Variants in LY75 observed in about 807,000 individuals in gnomAD.
LY75 encodes lymphocyte antigen 75.
A neutral mutation model predicts 231.7 loss-of-function variants in LY75; 185 were observed. The observed-to-expected ratio is 0.80, with a 90% CI of 0.71 to 0.90. LY75 has a LOEUF of 0.90. LY75 is among the 40% of genes least tolerant of loss of function. The probability of loss-of-function intolerance (pLI) is 0.00; values close to 1 mark genes in which losing one functional copy is unlikely to be tolerated. For missense variants in LY75, 1,947 were observed against 2,050.2 expected, an observed-to-expected ratio of 0.95 and a Z score of 0.97; for synonymous variants, 668 against 689.0, an observed-to-expected ratio of 0.97 and a Z score of 0.48.
chr2:159,849,990 AT>A lies in LY75; in HGVS notation c.3139del (p.Ile1047TyrfsTer16). 1 of 1,609,872 alleles carries A rather than the reference AT, an allele frequency of 6.2e-7. No homozygotes were observed. Among genetic ancestry groups the A allele is most frequent in the South Asian group, 1.1e-5 (1 of 90,192 alleles). On this transcript the variant is annotated frameshift_variant, in exon 23 of 35. Coordinates refer to ENST00000263636, the MANE Select transcript of LY75 (RefSeq NM_002349.4). LOFTEE classifies it high-confidence loss of function. Reference sequence around the variant, plus strand: ...TTTAAAAAAACTTACATTTTCTGGTATTCTCAGCCTCCCACTAACCAATAAT... The same window carrying A: ...TTTAAAAAAACTTACATTTTCTGGTATCTCAGCCTCCCACTAACCAATAAT... ...HPLLVSGRLR[I>X]PENFFEEESR...
intron 1 of LY75, among the ~76,000 whole-genome samples, chr2:159,901,894 G>T (rs1686092624): frequency 6.6e-6 from 1 of 152,202 alleles, no homozygotes; most frequent in Non-Finnish European, 1.5e-5. Context: ...GATAGGGAGA[G>T]TCCTATCCTT....
Position 159,849,979 on chromosome 2 carries a change from C to T in LY75, c.3150+1G>A, listed in dbSNP as rs748497165. The T allele has an allele frequency of 1.1e-5, 18 of 1,607,436 alleles. No individual in the cohort carries two copies. Among genetic ancestry groups the T allele is most frequent in the Non-Finnish European group, 1.5e-5 (18 of 1,178,228 alleles). On this transcript the variant is annotated splice_donor_variant, in intron 23 of 34. Transcript: ENST00000263636. LOFTEE classifies it high-confidence loss of function. Reference sequence around the variant, plus strand: ...GAGTATTGGTTTTTAAAAAAACTTACATTTTCTGGTATTCTCAGCCTCCCA... The same window carrying T: ...GAGTATTGGTTTTTAAAAAAACTTATATTTTCTGGTATTCTCAGCCTCCCA...
At chr2:159,808,390 GT>G in intron 33 of LY75, 58 bp downstream of exon 33, 1 of 1,611,314 alleles carries the variant, frequency 6.2e-7, no homozygotes. Context: ...AGGACGACTT[GT>G]TATTTAGGAT....
chr2:159,886,563 A>G, intron 4 of LY75, 33 bp from the exon 5 acceptor site: 2 of 1,562,434 alleles, frequency 1.3e-6, no homozygotes, highest in Non-Finnish European at 1.7e-6. Flanking sequence ...AAAAAGTGAC[A>G]AAGTTGCCTA....
At chr2:159,899,554 A>C (rs1231716525) in intron 1 of LY75, among the ~76,000 whole-genome samples, 1 of 152,176 alleles carries the variant, frequency 6.6e-6, no homozygotes, top group Admixed American at 6.5e-5. Flanking sequence ...GGCAGGGTAA[A>C]TTATTACATG....
At chr2:159,831,647 A>G in intron 28 of LY75, 23 bp downstream of exon 28, 1 of 1,605,958 alleles carries the variant, frequency 6.2e-7, no homozygotes, top group Middle Eastern at 1.7e-4. Context: ...CAAATAGAGA[A>G]AGTTGGCAGA....
Position 159,803,872 on chromosome 2 carries a change from C to G in LY75, c.*1172G>C, listed in dbSNP as rs1682724288. 6.6e-6 allele frequency: 1 copy of G among 152,150 alleles called. No individual in the cohort carries two copies. Among genetic ancestry groups the G allele is most frequent in the Admixed American group, 6.5e-5 (1 of 15,272 alleles). 9.4% of individuals were successfully genotyped at this position (152,150 alleles called of 1,614,324 possible). On this transcript the variant is annotated 3_prime_UTR_variant, in exon 35 of 35. Coordinates refer to ENST00000263636, the MANE Select transcript of LY75 (RefSeq NM_002349.4). ...CTTCATGGACCCTTTCTCTGTTTAA[C>G]ACATGTTAAAAAAGTAAAACAAAAT...
intron 23 of LY75, among the ~76,000 whole-genome samples, chr2:159,843,785 TAGAAG>T (rs1489604226): frequency 2.0e-5 from 3 of 152,018 alleles, no homozygotes; most frequent in African/African-American, 7.3e-5. Context: ...TCAAGACACA[TAGAAG>T]AGAAGGTTTT....
intron 28 of LY75, among the ~76,000 whole-genome samples, chr2:159,823,935 A>G (rs1683378909): frequency 6.6e-6 from 1 of 152,256 alleles, no homozygotes; most frequent in Admixed American, 6.5e-5. Context: ...GCCTTACAAG[A>G]GCTCCTGAAG....
At position 159,807,006 on chromosome 2, in the gene LY75, C is replaced by T. The variant is rs1407002735; in HGVS notation, c.4957G>A (p.Gly1653Ser). 1.2e-6 allele frequency: 2 copies of T among 1,613,726 alleles called. No homozygotes were observed. The highest frequency in any genetic ancestry group is 1.7e-6 in the Non-Finnish European group (2 of 1,179,854). ...ACTTTGCAGACAACTCTTCCAAAAC[C>T]ATGTTCACATTCAACTTTTTTCCAA... is the stretch of plus-strand genomic sequence containing the variant. Reference protein sequence around the residue: ...ETWKKVECEHGFGRVVCKVPL... With the variant: ...ETWKKVECEHSFGRVVCKVPL... The change falls in exon 34 of 35, where the codon GGT becomes AGT. Residue 1653 changes from glycine (G) to serine (S), a missense_variant. By Grantham distance (56) the Gly-to-Ser change is moderately conservative. Transcript: ENST00000263636.
At position 159,858,477 on chromosome 2, in the gene LY75, CTA is replaced by C. The variant is rs1394463071; in HGVS notation, c.2269-3_2269-2del. ...CTCTTCGCCATGGCCTATGAAATAC[CTA>C]TAAGAGGAAAAGTATTGCAGAATAT... On this transcript the variant is annotated splice_acceptor_variant and splice_polypyrimidine_tract_variant and intron_variant, in intron 15 of 34. Transcript: ENST00000263636. LOFTEE classifies it high-confidence loss of function. The C allele has an allele frequency of 6.2e-7, 1 of 1,607,598 alleles. No homozygotes were observed. The highest frequency in any genetic ancestry group is 1.7e-5 in the Admixed American group (1 of 58,810).
At chr2:159,886,072 T>C (rs2125878942) in intron 5 of LY75, among the ~76,000 whole-genome samples, 1 of 152,156 alleles carries the variant, frequency 6.6e-6, no homozygotes, top group East Asian at 1.9e-4. Flanking sequence ...CATATTAGAG[T>C]TCAGCTGCAG....
chr2:159,877,494 C>T (rs1409301931), intron 11 of LY75, among the ~76,000 whole-genome samples: 1 of 152,136 alleles, frequency 6.6e-6, no homozygotes, highest in East Asian at 1.9e-4. Context: ...TTCTGAGGTC[C>T]TTTCCGGCTT....
intron 2 of LY75, among the ~76,000 whole-genome samples, chr2:159,896,604 G>A (rs1176968367): frequency 6.6e-6 from 1 of 152,212 alleles, no homozygotes; most frequent in African/African-American, 2.4e-5. Context: ...AGTATCGAGA[G>A]TCTGAGAGCG....
chr2:159,828,323 T>C (rs2729701), intron 28 of LY75, among the ~76,000 whole-genome samples: 61,538 of 151,024 alleles, frequency 0.41, 14,178 homozygotes, highest in Non-Finnish European at 0.52. Context: ...ATAAAAAGAC[T>C]CAATTTAAAA....
chr2:159,894,221 T>G lies in LY75; in HGVS notation c.467-137A>C. The G allele has an allele frequency of 8.1e-6, 9 of 1,107,376 alleles. No individual in the cohort carries two copies. The South Asian group carries it at 1.5e-4, about 19-fold the overall frequency. The allele number at this position is 1,107,376 out of a possible 1,614,324, so 68.6% of individuals were successfully genotyped here. A position where few individuals can be genotyped will look rare whatever the true frequency, so the allele number is the denominator to read the frequency against. On this transcript the variant is annotated intron_variant, in intron 2 of 34. Transcript: ENST00000263636. The stretch of plus-strand genomic sequence containing the variant: ...CGAGTGTAGGAATTCAGAGCATGGG[T>G]GCTGTCAGGTCTGGATATGAATGCT...
Position 159,853,765 on chromosome 2 carries a change from A to G in LY75, c.2596-68T>C, listed in dbSNP as rs1474497502. On this transcript the variant is annotated intron_variant, in intron 18 of 34. Coordinates refer to ENST00000263636, the MANE Select transcript of LY75 (RefSeq NM_002349.4). ...TTCTTGAGGGTTTTGATTCGAATAC[A>G]TTGTCTTACTATAATCACTAACCAC... 5 of 1,599,416 alleles carry G rather than the reference A, an allele frequency of 3.1e-6. No individual in the cohort carries two copies. The East Asian group carries it at 6.7e-5, about 22-fold the overall frequency.
intron 1 of LY75, among the ~76,000 whole-genome samples, chr2:159,899,540 C>T (rs1022711526): frequency 6.6e-6 from 1 of 152,196 alleles, no homozygotes; most frequent in African/African-American, 2.4e-5. Flanking sequence ...ATGTTAGCTA[C>T]TACGGCAGGG....
At chr2:159,826,771 G>A (rs1683483536) in intron 28 of LY75, among the ~76,000 whole-genome samples, 1 of 152,072 alleles carries the variant, frequency 6.6e-6, no homozygotes, top group South Asian at 2.1e-4. Context: ...ATAGACCAAT[G>A]GAACAGAACA....
Sources: gnomAD v4.1 joint callset for allele counts (sites outside exome capture counted in the v4.1 genomes callset) on GRCh38, gnomAD v4.1.1 for gene constraint, MANE v1.5 for transcripts, NCBI Gene and HGNC (gene_info 2026-07-23, HGNC 2026-07-21) for gene names.